The following DENR variants were observed in gnomAD, a reference collection of about 807,000 sequenced individuals.
DENR encodes density regulated re-initiation and release factor.
In DENR, 6 loss-of-function variants were observed where a neutral mutation model predicts 30.6. The observed-to-expected ratio is 0.20, with a 90% CI of 0.11 to 0.39. The LOEUF (loss-of-function observed/expected upper bound fraction) is 0.39, where lower values mean the gene tolerates loss of function less well. Among genes scored for constraint, DENR ranks in the 10% least tolerant of loss-of-function variants. The pLI is 1.00. For missense variants in DENR, 141 were observed against 230.9 expected, an observed-to-expected ratio of 0.61 and a Z score of 2.52; for synonymous variants, 78 against 72.1, an observed-to-expected ratio of 1.08 and a Z score of -0.41.
Position 122,762,215 on chromosome 12 carries a change from T to C in DENR, c.126+9T>C. 7.1e-7 allele frequency: 1 copy of C among 1,413,002 alleles called. No individual in the cohort carries two copies. The highest frequency in any genetic ancestry group is 9.6e-7 in the Non-Finnish European group (1 of 1,039,794). The allele number at this position is 1,413,002 out of a possible 1,614,324, so 87.5% of individuals were successfully genotyped here. The stretch of plus-strand genomic sequence containing the variant: ...GTTCATTACCAACAGAGGTAAGTTC[T>C]TTAATTTTTTTTTTTACCTTATGTA... On this transcript the variant is annotated intron_variant, in intron 3 of 7. Coordinates refer to ENST00000280557, the MANE Select transcript of DENR (RefSeq NM_003677.5).
At chr12:122,760,534 A>G (rs1052006841) in intron 2 of DENR, among the ~76,000 whole-genome samples, 8 of 151,894 alleles carry the variant, frequency 5.3e-5, no homozygotes, top group African/African-American at 1.5e-4. Context: ...GATCGAGACC[A>G]TCCTAGCTAA....
intron 2 of DENR, among the ~76,000 whole-genome samples, chr12:122,760,459 C>T (rs1321800660): frequency 6.6e-6 from 1 of 152,090 alleles, no homozygotes; most frequent in South Asian, 2.1e-4. Context: ...AGGCCGGGCG[C>T]GGTGGCTCAC....
At chr12:122,756,547 T>C (rs1878555427) in intron 2 of DENR, among the ~76,000 whole-genome samples, 1 of 152,142 alleles carries the variant, frequency 6.6e-6, no homozygotes, top group East Asian at 1.9e-4. Flanking sequence ...GAAGACTTCA[T>C]AGAGGCAACC....
At position 122,753,868 on chromosome 12, in the gene DENR, A is replaced by G. The variant is rs764548752; in HGVS notation, c.106+61A>G. 712 of 1,327,500 alleles carry G rather than the reference A, an allele frequency of 5.4e-4. 1 individual carries two copies. The highest frequency in any genetic ancestry group is 7.1e-4 in the Non-Finnish European group (664 of 929,316). 82.2% of individuals were successfully genotyped at this position (1,327,500 alleles called of 1,614,324 possible). A position where few individuals can be genotyped will look rare whatever the true frequency, so the allele number is the denominator to read the frequency against. On this transcript the variant is annotated intron_variant, in intron 2 of 7. Transcript: ENST00000280557. ...CTATACTTTTATGCATTGTAATAACAGTTTGACATTTGGTAAGCTTTCTTC... is the reference window on the plus strand; with the variant it reads ...CTATACTTTTATGCATTGTAATAACGGTTTGACATTTGGTAAGCTTTCTTC...
At chr12:122,759,732 T>G (rs772167064) in intron 2 of DENR, among the ~76,000 whole-genome samples, 6 of 152,028 alleles carry the variant, frequency 3.9e-5, no homozygotes, top group Admixed American at 3.3e-4. Context: ...TTTTTTTTTC[T>G]GAACTAAATA....
At chr12:122,768,733 T>G (rs1878915252) in intron 6 of DENR, 49 bp from the exon 7 acceptor site, 1 of 1,463,218 alleles carries the variant, frequency 6.8e-7, no homozygotes, top group Non-Finnish European at 9.1e-7. Flanking sequence ...AAAACATCTT[T>G]GCACAATTCC....
chr12:122,764,141 G>A (rs914883931), intron 4 of DENR, among the ~76,000 whole-genome samples: 22 of 152,160 alleles, frequency 1.4e-4, no homozygotes, highest in African/African-American at 4.8e-4. Flanking sequence ...TTGAAGGACC[G>A]GAGAAGAGTT....
At chr12:122,758,273 T>C (rs1878603888) in intron 2 of DENR, among the ~76,000 whole-genome samples, 1 of 152,184 alleles carries the variant, frequency 6.6e-6, no homozygotes, top group Non-Finnish European at 1.5e-5. Flanking sequence ...GGTTTCACCA[T>C]CTTGGCCAGG....
chr12:122,757,407 C>T (rs1027067286), intron 2 of DENR, among the ~76,000 whole-genome samples: 3 of 152,254 alleles, frequency 2.0e-5, no homozygotes, highest in African/African-American at 7.2e-5. Context: ...TAATTGTATA[C>T]TAGAGGGGTG....
chr12:122,762,279 T>G, intron 3 of DENR, 73 bp downstream of exon 3: 2 of 1,037,976 alleles, frequency 1.9e-6, no homozygotes, highest in South Asian at 1.6e-5. Flanking sequence ...CCTTGAGAAT[T>G]TTTTTTTATT....
intron 2 of DENR, among the ~76,000 whole-genome samples, chr12:122,757,340 C>T (rs1878577328): frequency 6.6e-6 from 1 of 152,154 alleles, no homozygotes; most frequent in Admixed American, 6.5e-5. Context: ...TAATTATCTC[C>T]TGGAAACTGA....
In DENR at chr12:122,770,921, G is replaced by A. The variant is rs1385391823; in HGVS notation, c.*1843G>A. The A allele has an allele frequency of 1.8e-5, 7 of 393,060 alleles. No homozygotes were observed. The highest frequency in any genetic ancestry group is 3.1e-5 in the Non-Finnish European group (7 of 223,420). The allele number at this position is 393,060 out of a possible 1,614,324, so 24.3% of individuals were successfully genotyped here. On this transcript the variant is annotated 3_prime_UTR_variant, in exon 8 of 8. Coordinates refer to ENST00000280557, the MANE Select transcript of DENR (RefSeq NM_003677.5). Reference sequence around the variant, plus strand: ...ATGTAGTCTGTTGCTGCTGAAAGATGTCTGTGTGCCTGTATCAACATGTGA... The same window carrying A: ...ATGTAGTCTGTTGCTGCTGAAAGATATCTGTGTGCCTGTATCAACATGTGA...
rs370459883 is a variant in DENR at position 122,762,136 on chromosome 12, G to C, written c.107-51G>C. 47 of 1,226,664 alleles carry C rather than the reference G, an allele frequency of 3.8e-5. No individual in the cohort carries two copies. The African/African-American group carries it at 5.3e-4, about 14-fold the overall frequency. The allele number at this position is 1,226,664 out of a possible 1,614,324, so 76.0% of individuals were successfully genotyped here. Reference sequence around the variant, plus strand: ...AAGTAAGGATAAGCCCTGTGTATGTGTGTACATATAGGTTTAACATTTCAA... The same window carrying C: ...AAGTAAGGATAAGCCCTGTGTATGTCTGTACATATAGGTTTAACATTTCAA... On this transcript the variant is annotated intron_variant, in intron 2 of 7. Transcript: ENST00000280557.
chr12:122,761,680 T>C (rs999098355), intron 2 of DENR, among the ~76,000 whole-genome samples: 2 of 152,116 alleles, frequency 1.3e-5, no homozygotes, highest in Admixed American at 6.6e-5. Context: ...GGCATGGTGG[T>C]GTGCATCTGT....
chr12:122,769,283 T>TACAC lies in DENR; in HGVS notation c.*207_*210dup, dbSNP rs201698717. The TACAC allele has an allele frequency of 1.2e-6, 1 of 820,644 alleles. No homozygotes were observed. The highest frequency in any genetic ancestry group is 2.3e-5 in the African/African-American group (1 of 43,772). The allele number at this position is 820,644 out of a possible 1,614,324, so 50.8% of individuals were successfully genotyped here. The stretch of plus-strand genomic sequence containing the variant: ...ACATACACATATATGTATACATATA[T>TACAC]ACACATATATGTATACATATATACA... On this transcript the variant is annotated 3_prime_UTR_variant, in exon 8 of 8. Transcript: ENST00000280557.
At chr12:122,763,495 C>T (rs1185468015) in intron 4 of DENR, among the ~76,000 whole-genome samples, 2 of 152,064 alleles carry the variant, frequency 1.3e-5, no homozygotes, top group African/African-American at 2.4e-5. Context: ...CACCTGTGGT[C>T]GGGAGTTCAA....
chr12:122,770,532 A>G lies in DENR; in HGVS notation c.*1454A>G. 1 of 398,040 alleles carries G rather than the reference A, an allele frequency of 2.5e-6. No homozygotes were observed. The highest frequency in any genetic ancestry group is 1.3e-4 in the South Asian group (1 of 7,624). 24.7% of individuals were successfully genotyped at this position (398,040 alleles called of 1,614,324 possible). On this transcript the variant is annotated 3_prime_UTR_variant, in exon 8 of 8. Coordinates refer to ENST00000280557, the MANE Select transcript of DENR (RefSeq NM_003677.5). ...AACCAGTTAAAAGTACTGTACACCC[A>G]TGCTCAATATATAGTCCTGGAAATA...
At chr12:122,765,625 C>T (rs190866461) in intron 5 of DENR, among the ~76,000 whole-genome samples, 3 of 152,152 alleles carry the variant, frequency 2.0e-5, no homozygotes, top group African/African-American at 7.2e-5. Context: ...GAGACCTCAT[C>T]CCTTACAAAA....
intron 4 of DENR, 132 bp from the exon 5 acceptor site, chr12:122,765,172 T>C (rs1033402121): frequency 3.0e-6 from 2 of 659,606 alleles, no homozygotes; most frequent in Admixed American, 2.8e-5. Flanking sequence ...GTGTAATCCA[T>C]TGCTTTACAA....
Sources: gnomAD v4.1 joint callset for allele counts (sites outside exome capture counted in the v4.1 genomes callset) on GRCh38, gnomAD v4.1.1 for gene constraint, MANE v1.5 for transcripts, NCBI Gene and HGNC (gene_info 2026-07-23, HGNC 2026-07-21) for gene names.